DNAH5: variants seen among roughly 807,000 people sequenced by gnomAD.
DNAH5 encodes dynein axonemal heavy chain 5, also known as axonemal beta dynein heavy chain 5.
DNAH5 carries 372 observed loss-of-function variants against 518.2 expected under a neutral mutation model. That is an observed-to-expected ratio of 0.72 (90% CI 0.66 to 0.78). DNAH5 has a LOEUF of 0.78. Ranked by LOEUF, DNAH5 falls within the 30% of genes least tolerant of loss-of-function variation. The pLI, the probability that DNAH5 is intolerant of heterozygous loss-of-function variation, is 0.00. For synonymous variants in DNAH5, 2,039 were observed against 2,025.9 expected, an observed-to-expected ratio of 1.01 and a Z score of -0.17; for missense variants, 5,523 against 5,687.0, an observed-to-expected ratio of 0.97 and a Z score of 0.93.
intron 74 of DNAH5, among the ~76,000 whole-genome samples, 176 bp from the exon 75 acceptor site, chr5:13,714,796 A>G (rs1744071500): frequency 6.6e-6 from 1 of 152,266 alleles, no homozygotes; most frequent in African/African-American, 2.4e-5. Flanking sequence ...CTTTAAAAAA[A>G]CAATTAACAT....
chr5:13,883,883 C>T (rs569051113), intron 19 of DNAH5, among the ~76,000 whole-genome samples: 1 of 152,066 alleles, frequency 6.6e-6, no homozygotes, highest in Admixed American at 6.5e-5. Context: ...TCAGAGTTTC[C>T]ACTTTTATTT....
At chr5:13,833,699 G>A (rs1385310837) in intron 35 of DNAH5, among the ~76,000 whole-genome samples, 1 of 152,076 alleles carries the variant, frequency 6.6e-6, no homozygotes. Context: ...TCAGAGAAAG[G>A]TACAAGTCCT....
rs771017031 is a variant in DNAH5 at position 13,776,539 on chromosome 5, C to G, written c.9273G>C (p.Val3091=). The G allele has an allele frequency of 6.3e-5, 102 of 1,613,804 alleles. No individual in the cohort carries two copies. The highest frequency in any genetic ancestry group is 6.4e-5 in the Non-Finnish European group (76 of 1,179,864). The change falls in exon 55 of 79, where the codon GTG becomes GTC. Residue 3091 remains valine (V), a synonymous_variant. Coordinates refer to ENST00000265104, the MANE Select transcript of DNAH5 (RefSeq NM_001369.3). ...AAGCTCTGTTTCGAAATTTCTCCCC[C>G]ACTGGCGAGAAGCAGAGCACAATAT... is the stretch of plus-strand genomic sequence containing the variant. ...NLHIVLCFSP[V]GEKFRNRALK...
At chr5:13,980,169 C>T (rs339425) in intron 1 of DNAH5, among the ~76,000 whole-genome samples, 51,344 of 151,850 alleles carry the variant, frequency 0.34, 9,234 homozygotes, top group South Asian at 0.46. Context: ...CTTCCTCACT[C>T]GACCAGGACA....
intron 70 of DNAH5, among the ~76,000 whole-genome samples, chr5:13,724,696 T>C (rs1745486188): frequency 6.6e-6 from 1 of 152,200 alleles, no homozygotes; most frequent in Non-Finnish European, 1.5e-5. Context: ...CCCTCATGAA[T>C]GGCTTGGTGC....
intron 28 of DNAH5, among the ~76,000 whole-genome samples, chr5:13,863,981 T>C (rs1768847946): frequency 6.6e-6 from 1 of 152,130 alleles, no homozygotes; most frequent in Non-Finnish European, 1.5e-5. Context: ...TCTTTGCACT[T>C]TCCAAGCCCC....
chr5:13,976,350 C>A (rs1782241053), intron 1 of DNAH5, among the ~76,000 whole-genome samples: 1 of 152,160 alleles, frequency 6.6e-6, no homozygotes, highest in South Asian at 2.1e-4. Flanking sequence ...AAATTGTACA[C>A]TATACTGAGT....
chr5:13,882,034 A>G (rs1771747256), intron 21 of DNAH5, among the ~76,000 whole-genome samples: 1 of 152,092 alleles, frequency 6.6e-6, no homozygotes, highest in Admixed American at 6.5e-5. Context: ...GAGAATGCTA[A>G]GAACAATTTT....
At position 13,825,346 on chromosome 5, in the gene DNAH5, AAAATAAATAAAT is replaced by A. The variant is rs143083505; in HGVS notation, c.6445-1025_6445-1014del. Among the ~76,000 whole-genome samples, 5 of 150,508 alleles carry A rather than the reference AAAATAAATAAAT, an allele frequency of 3.3e-5. No individual in the cohort carries two copies. In the South Asian group the frequency reaches 8.5e-4, roughly 26 times the overall value. On this transcript the variant is annotated intron_variant, in intron 38 of 78. Transcript: ENST00000265104. ...AACAGAGCAAGACTCTGTCTTGCAA[AAAATAAATAAAT>A]AAATAAATAAATAAATAATAAAAGC... is the stretch of plus-strand genomic sequence containing the variant.
At chr5:13,873,002 A>G (rs1770347304) in intron 22 of DNAH5, among the ~76,000 whole-genome samples, 1 of 152,208 alleles carries the variant, frequency 6.6e-6, no homozygotes, top group Admixed American at 6.5e-5. Flanking sequence ...ATTCACTAAC[A>G]GATACAATGT....
intron 53 of DNAH5, among the ~76,000 whole-genome samples, chr5:13,778,845 A>G (rs1309903318): frequency 6.6e-6 from 1 of 152,218 alleles, no homozygotes; most frequent in Non-Finnish European, 1.5e-5. Flanking sequence ...AAAAGGAAAG[A>G]AAGACCCTGG....
chr5:13,728,122 G>C (rs887549601), intron 69 of DNAH5, among the ~76,000 whole-genome samples: 1 of 152,124 alleles, frequency 6.6e-6, no homozygotes, highest in Non-Finnish European at 1.5e-5. Context: ...ACAGCTTTTT[G>C]ATCAATACTC....
intron 57 of DNAH5, 96 bp downstream of exon 57, chr5:13,769,405 C>A (rs1162412970): frequency 4.8e-6 from 5 of 1,046,730 alleles, no homozygotes; most frequent in Non-Finnish European, 6.0e-6. Context: ...TTAATGTATA[C>A]TTCACTAGTT....
intron 1 of DNAH5, among the ~76,000 whole-genome samples, chr5:13,968,467 T>C (rs754588919): frequency 6.6e-6 from 1 of 152,224 alleles, no homozygotes; most frequent in Non-Finnish European, 1.5e-5. Flanking sequence ...AGATGGCTTT[T>C]ATTACCTTGA....
chr5:13,792,009 G>A lies in DNAH5; in HGVS notation c.8433C>T (p.Val2811=), dbSNP rs142763901. Residue 2811 remains valine, a synonymous_variant, in exon 50 of 79, where the codon GTC becomes GTT. Coordinates refer to ENST00000265104, the MANE Select transcript of DNAH5 (RefSeq NM_001369.3). The part of the protein sequence containing the change: ...WQGMLNTTSE[V]IKEPNDLLKL... The stretch of plus-strand genomic sequence containing the variant: ...TGTCACTTACATTTGGTTCCTTGAT[G>A]ACCTCTGAAGTAGTGTTCAGCATTC... The A allele has an allele frequency of 6.2e-7, 1 of 1,613,506 alleles. No homozygotes were observed. The highest frequency in any genetic ancestry group is 1.1e-5 in the South Asian group (1 of 91,040).
intron 47 of DNAH5, among the ~76,000 whole-genome samples, chr5:13,795,316 GAAGAA>G (rs1415877113): frequency 6.6e-6 from 1 of 151,806 alleles, no homozygotes; most frequent in Non-Finnish European, 1.5e-5. Flanking sequence ...GATTAATAAA[GAAGAA>G]AAGAGAGAAA....
At chr5:13,862,324 A>C (rs1265193832) in intron 29 of DNAH5, among the ~76,000 whole-genome samples, 1 of 152,256 alleles carries the variant, frequency 6.6e-6, no homozygotes, top group African/African-American at 2.4e-5. Flanking sequence ...AAATGAAAAC[A>C]AGAATAATTG....
chr5:13,964,282 G>A (rs1781389548), intron 1 of DNAH5, among the ~76,000 whole-genome samples: 1 of 152,094 alleles, frequency 6.6e-6, no homozygotes, highest in Non-Finnish European at 1.5e-5. Flanking sequence ...TACCAAAACG[G>A]GCCTTTTGAG....
rs749710045 is a variant in DNAH5 at position 13,769,041 on chromosome 5, G to A, written c.9816C>T (p.Ser3272=). The change falls in exon 58 of 79, where the codon AGC becomes AGT. Residue 3272 remains serine (S), a synonymous_variant. Coordinates refer to ENST00000265104, the MANE Select transcript of DNAH5 (RefSeq NM_001369.3). ...CAGCAATGGCTTTGTCTTTAGAGAT[G>A]CTGTCCACAATGGCCTGGGCCCTGT... is the stretch of plus-strand genomic sequence containing the variant. ...VKDRAQAIVD[S]ISKDKAIAEE... 1.2e-5 allele frequency: 19 copies of A among 1,614,104 alleles called. No homozygotes were observed. In the African/African-American group the frequency reaches 2.3e-4, roughly 19 times the overall value.
Sources: gnomAD v4.1 joint callset for allele counts (sites outside exome capture counted in the v4.1 genomes callset) on GRCh38, gnomAD v4.1.1 for gene constraint, MANE v1.5 for transcripts, NCBI Gene and HGNC (gene_info 2026-07-23, HGNC 2026-07-21) for gene names.